The following RNF212 variants were observed in gnomAD, a reference collection of about 807,000 sequenced individuals.
RNF212 encodes the protein ring finger protein 212.
RNF212 carries 33 observed loss-of-function variants against 34.7 expected under a neutral mutation model. The observed-to-expected ratio is 0.95, with a 90% CI of 0.72 to 1.27. The LOEUF (loss-of-function observed/expected upper bound fraction) is 1.27. RNF212 is among the 50% of genes most tolerant of loss of function. The pLI is 0.00. For synonymous variants in RNF212, 140 were observed against 136.1 expected (o/e 1.03, Z -0.20); for missense variants, 377 against 362.2 (o/e 1.04, Z -0.33).
rs1577639624 is a variant in RNF212 at position 1,072,499 on chromosome 4, G to A, written c.*375C>T. 1 of 214,308 alleles carries A rather than the reference G, an allele frequency of 4.7e-6. No homozygotes were observed. The highest frequency in any genetic ancestry group is 5.5e-5 in the Admixed American group (1 of 18,310). The allele number at this position is 214,308 out of a possible 1,614,324, so 13.3% of individuals were successfully genotyped here. ...GATGATGGGGGAGCTGTGCGTGTGT[G>A]GAGTCATGGTGTATATGGGAAATCT... On this transcript the variant is annotated 3_prime_UTR_variant, in exon 10 of 10. Transcript: ENST00000433731.
chr4:1,102,912 C>T (rs568513303), intron 2 of RNF212, among the ~76,000 whole-genome samples: 20 of 150,848 alleles, frequency 1.3e-4, no homozygotes, highest in Non-Finnish European at 2.4e-4. Flanking sequence ...GAGGCCGAGG[C>T]GGGTGGATCA....
downstream of RNF212, among the ~76,000 whole-genome samples, chr4:1,068,787 T>C (rs1479026387): frequency 6.6e-6 from 1 of 152,242 alleles, no homozygotes; most frequent in East Asian, 1.9e-4. Context: ...ATGTATTTAG[T>C]CTTCATTTTA....
upstream of RNF212, chr4:1,113,599 G>A (rs1220580512): frequency 3.4e-6 from 2 of 588,262 alleles, no homozygotes; most frequent in Non-Finnish European, 5.5e-6. Flanking sequence ...CTGCGCCCGC[G>A]CACTGGAGCT....
rs1723723786 is a variant in RNF212, at chr4:1,100,082, G to C, written c.172-3243C>G. The C allele has an allele frequency of 2.9e-5, 10 of 349,870 alleles. 1 individual carries two copies. The highest frequency in any genetic ancestry group is 2.1e-4 in the South Asian group (10 of 47,166). The allele number at this position is 349,870 out of a possible 1,614,324, so 21.7% of individuals were successfully genotyped here. On this transcript the variant is annotated intron_variant, in intron 2 of 9. Coordinates refer to ENST00000433731, the MANE Select transcript of RNF212 (RefSeq NM_001131034.4). ...GCACGATACTGTCCTTGGGGCGCCA[G>C]GCTTACACAGGACTTCCTTGCTAGA...
chr4:1,095,012 A>G (rs1722821642), intron 3 of RNF212, among the ~76,000 whole-genome samples: 1 of 152,198 alleles, frequency 6.6e-6, no homozygotes, highest in Admixed American at 6.5e-5. Context: ...TGCTGATCAA[A>G]TATCTTCAAA....
chr4:1,108,916 G>A (rs571753055), intron 1 of RNF212, among the ~76,000 whole-genome samples: 4 of 151,948 alleles, frequency 2.6e-5, no homozygotes, highest in Non-Finnish European at 5.9e-5. Context: ...GCCCACACTG[G>A]GCTCGAACTC....
intron 8 of RNF212, among the ~76,000 whole-genome samples, chr4:1,077,812 A>G (rs1370642402): frequency 6.6e-6 from 1 of 152,118 alleles, no homozygotes; most frequent in Non-Finnish European, 1.5e-5. Flanking sequence ...GGGGTCCTCG[A>G]TGTGGGCCAG....
intron 3 of RNF212, among the ~76,000 whole-genome samples, chr4:1,065,711 C>T (rs1577618795): frequency 6.6e-6 from 1 of 152,138 alleles, no homozygotes; most frequent in East Asian, 1.9e-4. Flanking sequence ...CTCAGCTTCC[C>T]AAGTAGCTGG....
At chr4:1,089,276 A>G (rs536588614) in intron 4 of RNF212, among the ~76,000 whole-genome samples, 1 of 152,234 alleles carries the variant, frequency 6.6e-6, no homozygotes, top group Non-Finnish European at 1.5e-5. Context: ...GATGTGAGAC[A>G]TTGGGTAAAA....
rs558783467 is a variant in RNF212 at position 1,071,924 on chromosome 4, C to T, written c.*950G>A. Reference sequence around the variant, plus strand: ...CAGCATTCACACTCCTTAGTATTTACCCAAAGGAGCTGAAAACATGTCTAC... The same window carrying T: ...CAGCATTCACACTCCTTAGTATTTATCCAAAGGAGCTGAAAACATGTCTAC... On this transcript the variant is annotated 3_prime_UTR_variant, in exon 10 of 10. Transcript: ENST00000433731. The T allele has an allele frequency of 2.0e-5, 3 of 152,322 alleles. No homozygotes were observed. The highest frequency in any genetic ancestry group is 7.2e-5 in the African/African-American group (3 of 41,574). The allele number at this position is 152,322 out of a possible 1,614,324, so 9.4% of individuals were successfully genotyped here. A position where few individuals can be genotyped will look rare whatever the true frequency, so the allele number is the denominator to read the frequency against.
chr4:1,092,237 G>A (rs1418489254), intron 3 of RNF212, among the ~76,000 whole-genome samples: 1 of 152,230 alleles, frequency 6.6e-6, no homozygotes, highest in Non-Finnish European at 1.5e-5. Flanking sequence ...TTAGAGAAAG[G>A]CCTTGGGGAG....
chr4:1,060,981 T>C (rs1717712485), intron 3 of RNF212, among the ~76,000 whole-genome samples: 2 of 152,200 alleles, frequency 1.3e-5, no homozygotes, highest in Non-Finnish European at 2.9e-5. Context: ...CGAAGCCAAG[T>C]GCGAAACTGG....
chr4:1,108,344 T>G lies in RNF212; in HGVS notation c.170A>C (p.His57Pro). The G allele has an allele frequency of 2.7e-6, 4 of 1,505,932 alleles. No homozygotes were observed. The East Asian group carries it at 1.0e-4, about 39-fold the overall frequency. 93.3% of individuals were successfully genotyped at this position (1,505,932 alleles called of 1,614,324 possible). A position where few individuals can be genotyped will look rare whatever the true frequency, so the allele number is the denominator to read the frequency against. ...CAGATACGACACATTTCAACTTACA[T>G]GCTTTGAAAGCAAAACTGTACGACA... ...APCRTVLLSK[H>P]TDADIQAFFM... The change falls in exon 2 of 10, where the codon CAT (histidine) becomes CCT (proline). Residue 57 changes from histidine to proline, a missense_variant and splice_region_variant. His to Pro is a moderately conservative substitution (Grantham distance 77). Transcript: ENST00000433731.
chr4:1,108,921 G>C (rs539153786), intron 1 of RNF212, among the ~76,000 whole-genome samples: 1 of 151,704 alleles, frequency 6.6e-6, no homozygotes, highest in East Asian at 1.9e-4. Flanking sequence ...CACTGGGCTC[G>C]AACTCCTGGG....
At position 1,090,854 on chromosome 4, in the gene RNF212, G is replaced by C. The variant is rs746551060; in HGVS notation, c.247-16C>G. 2.6e-6 allele frequency: 4 copies of C among 1,554,936 alleles called. No homozygotes were observed. The East Asian group carries it at 9.0e-5, about 35-fold the overall frequency. ...ATTCTAAAATCTGAAAAGATCATAG[G>C]TTTCAGCTGCTGACACAGATCCACG... is the stretch of plus-strand genomic sequence containing the variant. On this transcript the variant is annotated splice_polypyrimidine_tract_variant and intron_variant, in intron 3 of 9. Coordinates refer to ENST00000433731, the MANE Select transcript of RNF212 (RefSeq NM_001131034.4).
rs943889356 is a variant in RNF212 at position 1,075,344 on chromosome 4, C to T, written c.511-1682G>A. ...ATAAAGAAAAGAGGTTTAACTGGCT[C>T]ATGCTTCTGAGGGCCGTACAGGAAG... On this transcript the variant is annotated intron_variant, in intron 8 of 9. Transcript: ENST00000433731. 3.3e-5 allele frequency among the ~76,000 whole-genome samples: 5 copies of T among 152,256 alleles called. No individual in the cohort carries two copies. The East Asian group carries it at 9.6e-4, about 29-fold the overall frequency.
intron 3 of RNF212, among the ~76,000 whole-genome samples, chr4:1,093,090 T>C (rs1160458240): frequency 2.0e-5 from 3 of 152,180 alleles, no homozygotes; most frequent in Admixed American, 2.0e-4. Flanking sequence ...AGATGTTTAA[T>C]TGTTACCAAC....
chr4:1,062,691 G>A (rs1435188267), intron 3 of RNF212, among the ~76,000 whole-genome samples: 2 of 152,138 alleles, frequency 1.3e-5, no homozygotes, highest in African/African-American at 4.8e-5. Flanking sequence ...TCCTGCAGTG[G>A]GACGGGAAGT....
intron 4 of RNF212, among the ~76,000 whole-genome samples, chr4:1,087,691 C>A (rs1054057701): frequency 1.4e-5 from 2 of 143,402 alleles, no homozygotes; most frequent in Non-Finnish European, 1.5e-5. Context: ...AGTCTCATCT[C>A]AAATTGTAAT....
Sources: gnomAD v4.1 joint callset for allele counts (sites outside exome capture counted in the v4.1 genomes callset) on GRCh38, gnomAD v4.1.1 for gene constraint, MANE v1.5 for transcripts, NCBI Gene and HGNC (gene_info 2026-07-23, HGNC 2026-07-21) for gene names.